TLE2: variants seen among roughly 807,000 people sequenced by gnomAD.
The protein encoded by TLE2 is transducin-like enhancer protein 2.
A neutral mutation model predicts 97.2 loss-of-function variants in TLE2; 74 were observed. That is an observed-to-expected ratio of 0.76 (90% CI 0.63 to 0.92). TLE2 has a LOEUF of 0.92. Among genes scored for constraint, TLE2 ranks in the 40% least tolerant of loss-of-function variants. TLE2 has a pLI of 0.00. For synonymous variants in TLE2, 499 were observed against 432.1 expected, an observed-to-expected ratio of 1.15 and a Z score of -1.92; for missense variants, 1,038 against 1,008.7, an observed-to-expected ratio of 1.03 and a Z score of -0.39.
rs2089641677 is a variant in TLE2, at chr19:3,013,653, C to T, written c.873+16G>A. 9 of 1,357,226 alleles carry T rather than the reference C, an allele frequency of 6.6e-6. No individual in the cohort carries two copies. The South Asian group carries it at 1.8e-4, about 28-fold the overall frequency. 84.1% of individuals were successfully genotyped at this position (1,357,226 alleles called of 1,614,324 possible). A position where few individuals can be genotyped will look rare whatever the true frequency, so the allele number is the denominator to read the frequency against. On this transcript the variant is annotated intron_variant, in intron 11 of 19. Coordinates refer to ENST00000262953, the MANE Select transcript of TLE2 (RefSeq NM_003260.5). ...GATGAATAAAGTGAGTTTCAAGGCC[C>T]TCCCCTCCTCCTTACCAGGATGAGC...
chr19:3,046,750 G>A (rs1210606327), upstream of TLE2, among the ~76,000 whole-genome samples: 1 of 152,068 alleles, frequency 6.6e-6, no homozygotes, highest in African/African-American at 2.4e-5. Flanking sequence ...GAATGGTGGG[G>A]TCGGAGAAGG....
chr19:3,015,595 G>T, intron 9 of TLE2, 58 bp downstream of exon 9: 3 of 1,408,912 alleles, frequency 2.1e-6, no homozygotes, highest in African/African-American at 1.4e-5. Context: ...GGCTCTGAGG[G>T]GCCAGGCTGG....
intron 9 of TLE2, 115 bp downstream of exon 9, chr19:3,015,538 G>T: frequency 2.6e-6 from 2 of 764,122 alleles, no homozygotes; most frequent in Non-Finnish European, 4.4e-6. Context: ...AGGGAGCTAT[G>T]GGAGGCTCCG....
At chr19:3,018,156 G>A (rs893748874) in intron 7 of TLE2, among the ~76,000 whole-genome samples, 1 of 152,096 alleles carries the variant, frequency 6.6e-6, no homozygotes, top group Admixed American at 6.5e-5. Flanking sequence ...TTACGAGTTG[G>A]GGTCTTGCTC....
chr19:3,028,921 GC>G lies in TLE2; in HGVS notation c.-18del, dbSNP rs770183764. ...GGGGTACATCCTGCCGATCCGAAAA[GC>G]CCCCCAGGCGCCACCAGAGCTTGAT... On this transcript the variant is annotated 5_prime_UTR_variant, in exon 1 of 20. Coordinates refer to ENST00000262953, the MANE Select transcript of TLE2 (RefSeq NM_003260.5). 6 of 1,609,258 alleles carry G rather than the reference GC, an allele frequency of 3.7e-6. No homozygotes were observed. The highest frequency in any genetic ancestry group is 5.1e-6 in the Non-Finnish European group (6 of 1,179,020).
intron 19 of TLE2, 95 bp downstream of exon 19, chr19:3,000,552 C>T (rs1014992820): frequency 8.7e-7 from 1 of 1,153,172 alleles, no homozygotes; most frequent in Non-Finnish European, 1.2e-6. Context: ...GGCGGGGGGA[C>T]CTGGGGGACA....
intron 14 of TLE2, 114 bp downstream of exon 14, chr19:3,008,755 C>T: frequency 1.2e-6 from 1 of 833,148 alleles, no homozygotes; most frequent in South Asian, 2.5e-5. Context: ...CCGGCCCACA[C>T]AAGAGACTTT....
chr19:3,018,535 T>C (rs1438866239), intron 7 of TLE2, among the ~76,000 whole-genome samples: 1 of 151,986 alleles, frequency 6.6e-6, no homozygotes, highest in East Asian at 1.9e-4. Flanking sequence ...TCAGGTGATC[T>C]GCCCGCCTCG....
chr19:3,006,279 C>G, intron 15 of TLE2, 141 bp downstream of exon 15: 1 of 1,360,474 alleles, frequency 7.4e-7, no homozygotes, highest in Non-Finnish European at 1.0e-6. Context: ...TCCCATGCGA[C>G]TACGAGCTCC....
At chr19:3,027,905 G>T in intron 3 of TLE2, 32 bp from the exon 4 acceptor site, 1 of 1,591,136 alleles carries the variant, frequency 6.3e-7, no homozygotes, top group East Asian at 2.3e-5. Flanking sequence ...AGAACGTCTA[G>T]GGTGGAGATG....
intron 1 of TLE2, among the ~76,000 whole-genome samples, chr19:3,035,583 T>G (rs1417705447): frequency 1.3e-5 from 2 of 151,358 alleles, no homozygotes; most frequent in Non-Finnish European, 2.9e-5. Flanking sequence ...GACCCCGGAT[T>G]GCTCAGACCA....
At chr19:3,040,664 T>G (rs1201200266) in intron 1 of TLE2, among the ~76,000 whole-genome samples, 1 of 151,498 alleles carries the variant, frequency 6.6e-6, no homozygotes, top group Non-Finnish European at 1.5e-5. Context: ...TGTTATTGTT[T>G]TAAGACAAGG....
rs1192698738 is a variant in TLE2, at chr19:2,997,822, TC to T, written c.*25del. The T allele has an allele frequency of 3.2e-6, 5 of 1,542,600 alleles. No individual in the cohort carries two copies. In the Admixed American group the frequency reaches 7.3e-5, roughly 23 times the overall value. Reference sequence around the variant, plus strand: ...GCTGATTCCCCTGGGAGTCTGGACTTCGGGTACAGGAAGGGGGGTCATGTCT... The same window carrying T: ...GCTGATTCCCCTGGGAGTCTGGACTTGGGTACAGGAAGGGGGGTCATGTCT... On this transcript the variant is annotated 3_prime_UTR_variant, in exon 20 of 20. Coordinates refer to ENST00000262953, the MANE Select transcript of TLE2 (RefSeq NM_003260.5).
At chr19:3,021,330 G>C (rs553597984) in intron 5 of TLE2, among the ~76,000 whole-genome samples, 1 of 150,238 alleles carries the variant, frequency 6.7e-6, no homozygotes. Flanking sequence ...ACTTGAACCC[G>C]GGAGTTAGAG....
intron 1 of TLE2, among the ~76,000 whole-genome samples, chr19:3,035,887 G>C (rs890445533): frequency 2.6e-5 from 4 of 151,718 alleles, no homozygotes; most frequent in African/African-American, 7.3e-5. Flanking sequence ...TTGGAGGAGG[G>C]GGGGCTAAGG....
At chr19:3,009,837 T>C in intron 12 of TLE2, 135 bp from the exon 13 acceptor site, 1 of 985,014 alleles carries the variant, frequency 1.0e-6, no homozygotes, top group East Asian at 2.8e-5. Context: ...CTGGGACACC[T>C]CCAGACCTCT....
Position 3,015,705 on chromosome 19 carries a change from G to A in TLE2, c.626C>T (p.Pro209Leu), listed in dbSNP as rs377486880. The stretch of plus-strand genomic sequence containing the variant: ...TGCTCTCTGCTTCCCGCCACCACCA[G>A]GGCCACTCGGTCGCTCCTCCTCCAC... ...SLVEEERPSG[P>L]GGGGKQRADE... The change falls in exon 9 of 20, where the codon CCT (proline) becomes CTT (leucine). Residue 209 changes from proline to leucine, a missense_variant. Pro to Leu is a moderately conservative substitution (Grantham distance 98). Transcript: ENST00000262953. The A allele has an allele frequency of 6.2e-7, 1 of 1,611,434 alleles. No homozygotes were observed. Among genetic ancestry groups the A allele is most frequent in the Non-Finnish European group, 8.5e-7 (1 of 1,179,386 alleles).
chr19:3,028,964 G>C lies in TLE2; in HGVS notation c.-60C>G. ...GAGCTTGATGATATGGAGGCGGCAA[G>C]AGTGGGGGAGGCTGAAGTGGGGTGG... On this transcript the variant is annotated 5_prime_UTR_variant, in exon 1 of 20. Coordinates refer to ENST00000262953, the MANE Select transcript of TLE2 (RefSeq NM_003260.5). The C allele has an allele frequency of 6.3e-7, 1 of 1,585,348 alleles. No individual in the cohort carries two copies. Among genetic ancestry groups the C allele is most frequent in the Non-Finnish European group, 8.6e-7 (1 of 1,167,402 alleles).
chr19:3,020,004 C>T (rs999854937), intron 5 of TLE2: 101 of 600,978 alleles, frequency 1.7e-4, no homozygotes, highest in East Asian at 3.3e-4. Context: ...CAAATCAGGC[C>T]GGGCATGGTG....
Sources: gnomAD v4.1 joint callset for allele counts (sites outside exome capture counted in the v4.1 genomes callset) on GRCh38, gnomAD v4.1.1 for gene constraint, MANE v1.5 for transcripts, NCBI Gene and HGNC (gene_info 2026-07-23, HGNC 2026-07-21) for gene names.